The following TTC23L variants were observed in gnomAD, a reference collection of about 807,000 sequenced individuals.
TTC23L encodes tetratricopeptide repeat domain 23 like, also known as tetratricopeptide repeat protein 23-like.
Under a neutral mutation model 48.1 loss-of-function variants are expected in TTC23L, and 42 were observed. That is an observed-to-expected ratio of 0.87 (90% CI 0.68 to 1.13). TTC23L has a LOEUF of 1.13. Among genes scored for constraint, TTC23L ranks in the 50% most tolerant of loss-of-function variants. TTC23L has a pLI of 0.00. For missense variants in TTC23L, 391 were observed against 421.0 expected, an observed-to-expected ratio of 0.93 and a Z score of 0.62; for synonymous variants, 159 against 157.2, an observed-to-expected ratio of 1.01 and a Z score of -0.09.
chr5:34,922,861 C>T, the TTC23L span: 1 of 1,330,262 alleles, frequency 7.5e-7, no homozygotes, highest in East Asian at 2.3e-5. Flanking sequence ...TTAGTTTCAC[C>T]CCCACCTTGG....
chr5:34,894,834 A>G (rs1763099299), intron 9 of TTC23L, among the ~76,000 whole-genome samples: 1 of 151,810 alleles, frequency 6.6e-6, no homozygotes, highest in African/African-American at 2.4e-5. Context: ...AACTGCAAAG[A>G]AAGGTGCCTG....
In TTC23L at chr5:34,861,029, G is replaced by A. The variant is rs139958307; in HGVS notation, c.380-1869G>A. The A allele has an allele frequency of 2.6e-5, 4 of 152,444 alleles. No individual in the cohort carries two copies. The East Asian group carries it at 7.7e-4, about 30-fold the overall frequency. 9.4% of individuals were successfully genotyped at this position (152,444 alleles called of 1,614,324 possible). A position where few individuals can be genotyped will look rare whatever the true frequency, so the allele number is the denominator to read the frequency against. Reference sequence around the variant, plus strand: ...TGTCGCCAGGCTGGAGTGCAGTGGTGCGATCTCAGCTCACTGCAGCCTCTG... The same window carrying A: ...TGTCGCCAGGCTGGAGTGCAGTGGTACGATCTCAGCTCACTGCAGCCTCTG... On this transcript the variant is annotated intron_variant, in intron 4 of 10. Coordinates refer to ENST00000505624, the Ensembl canonical transcript of TTC23L.
the TTC23L span, chr5:34,915,027 G>A: frequency 2.2e-6 from 2 of 903,148 alleles, no homozygotes. Context: ...CACCTGCGCT[G>A]AGAGGTGGAA....
Position 34,896,955 on chromosome 5 carries a change from C to A in TTC23L, c.*97+80C>A, listed in dbSNP as rs888441372. The A allele has an allele frequency of 1.0e-5, 6 of 574,742 alleles. No homozygotes were observed. In the African/African-American group the frequency reaches 1.1e-4, roughly 11 times the overall value. 35.6% of individuals were successfully genotyped at this position (574,742 alleles called of 1,614,324 possible). A position where few individuals can be genotyped will look rare whatever the true frequency, so the allele number is the denominator to read the frequency against. ...AAATGCTGATTCCAAGGGATGTGTG[C>A]CAGTTCTCTGGGGGAGGAAGAAAGG... On this transcript the variant is annotated intron_variant, in intron 10 of 10. Transcript: ENST00000505624.
chr5:34,910,916 T>C, the TTC23L span, among the ~76,000 whole-genome samples: 8 of 152,240 alleles, frequency 5.3e-5, no homozygotes, highest in Admixed American at 5.2e-4. Flanking sequence ...CAAGAACAGC[T>C]TTTTTGACAT....
chr5:34,871,878 A>T (rs58622803), intron 8 of TTC23L, among the ~76,000 whole-genome samples: 2,507 of 152,302 alleles, frequency 0.016, 22 homozygotes, highest in African/African-American at 0.034. Context: ...ATACTGCAAC[A>T]ACTGGATACC....
chr5:34,890,392 C>T (rs1210056570), intron 9 of TTC23L, among the ~76,000 whole-genome samples: 1 of 137,274 alleles, frequency 7.3e-6, no homozygotes, highest in African/African-American at 2.8e-5. Context: ...CAGTGAGCCG[C>T]GATTGCACCA....
chr5:34,861,679 T>C (rs898320949), intron 4 of TTC23L, among the ~76,000 whole-genome samples: 2 of 152,180 alleles, frequency 1.3e-5, no homozygotes, highest in Admixed American at 1.3e-4. Context: ...TTTATCCTTA[T>C]TGCCATTGAC....
chr5:34,887,297 G>A (rs1762599959), intron 9 of TTC23L, among the ~76,000 whole-genome samples: 1 of 152,138 alleles, frequency 6.6e-6, no homozygotes, highest in South Asian at 2.1e-4. Flanking sequence ...TGACATCTGG[G>A]TAATGGGGGC....
At chr5:34,870,135 A>AT (rs1761353677) in intron 8 of TTC23L, among the ~76,000 whole-genome samples, 1 of 151,896 alleles carries the variant, frequency 6.6e-6, no homozygotes, top group African/African-American at 2.4e-5. Flanking sequence ...TTATATACTA[A>AT]TTTTTAACTT....
exon 5 of TTC23L, chr5:34,862,916 A>G: frequency 6.2e-7 from 1 of 1,614,002 alleles, no homozygotes; most frequent in Non-Finnish European, 8.5e-7. Flanking sequence ...GTTCAGGCCA[A>G]GAAACATGCT....
intron 9 of TTC23L, among the ~76,000 whole-genome samples, chr5:34,882,086 A>G (rs1311700996): frequency 6.6e-6 from 1 of 152,196 alleles, no homozygotes; most frequent in Admixed American, 6.5e-5. Context: ...TCCCAATGCC[A>G]TGGGTTGATC....
At chr5:34,897,262 GT>G (rs1387025536) in intron 10 of TTC23L, among the ~76,000 whole-genome samples, 1 of 152,074 alleles carries the variant, frequency 6.6e-6, no homozygotes, top group African/African-American at 2.4e-5. Flanking sequence ...GCATGCGCCT[GT>G]AGTCCCAGTT....
intron 4 of TTC23L, among the ~76,000 whole-genome samples, chr5:34,854,256 G>C (rs1759932648): frequency 6.6e-6 from 1 of 152,172 alleles, no homozygotes. Context: ...GTTTTTCCTA[G>C]ATGGGAAAGG....
At chr5:34,872,990 G>A (rs1485714351) in intron 8 of TTC23L, among the ~76,000 whole-genome samples, 1 of 152,066 alleles carries the variant, frequency 6.6e-6, no homozygotes, top group Non-Finnish European at 1.5e-5. Context: ...TTGAGCCCAG[G>A]AGGCGGAAGT....
At chr5:34,841,978 C>A (rs1159856218) in intron 2 of TTC23L, among the ~76,000 whole-genome samples, 1 of 152,204 alleles carries the variant, frequency 6.6e-6, no homozygotes, top group Non-Finnish European at 1.5e-5. Flanking sequence ...AGCACTAGCT[C>A]CAGTTGTGAC....
chr5:34,865,635 A>C (rs1760995130), intron 6 of TTC23L, among the ~76,000 whole-genome samples: 2 of 152,230 alleles, frequency 1.3e-5, no homozygotes, highest in East Asian at 3.8e-4. Flanking sequence ...TACATACTAG[A>C]CACTGTTCTA....
chr5:34,886,597 G>T (rs1428126938), intron 9 of TTC23L, among the ~76,000 whole-genome samples: 3 of 152,294 alleles, frequency 2.0e-5, no homozygotes, highest in East Asian at 3.9e-4. Flanking sequence ...TTGTAAGCAG[G>T]ATGTGAGGAG....
At chr5:34,911,047 T>A in the TTC23L span, among the ~76,000 whole-genome samples, 597 of 152,336 alleles carry the variant, frequency 3.9e-3, 1 homozygote, top group Non-Finnish European at 6.5e-3. Context: ...TGGTTTGCTG[T>A]TTCACATTTT....
Sources: gnomAD v4.1 joint callset for allele counts (sites outside exome capture counted in the v4.1 genomes callset) on GRCh38, gnomAD v4.1.1 for gene constraint, MANE v1.5 for transcripts, NCBI Gene and HGNC (gene_info 2026-07-23, HGNC 2026-07-21) for gene names.